Variants in HCFC2 observed in about 807,000 individuals in gnomAD.
HCFC2 encodes the protein host cell factor 2.
Under a neutral mutation model 89.2 loss-of-function variants are expected in HCFC2, and 18 were observed. That is an observed-to-expected ratio of 0.20 (90% confidence interval 0.14 to 0.30). HCFC2 has a LOEUF of 0.30. Ranked by LOEUF, HCFC2 falls within the 10% of genes least tolerant of loss-of-function variation. HCFC2 has a pLI of 1.00. For missense variants in HCFC2, 578 were observed against 956.1 expected (o/e 0.60, Z 5.21); for synonymous variants, 308 against 335.7 (o/e 0.92, Z 0.90).
chr12:104,089,460 G>C (rs900334880), intron 9 of HCFC2, among the ~76,000 whole-genome samples: 1 of 152,182 alleles, frequency 6.6e-6, no homozygotes, highest in Non-Finnish European at 1.5e-5. Context: ...AGCTTGTAGT[G>C]AGCCGAGATT....
intron 9 of HCFC2, chr12:104,090,876 T>C (rs1884004337): frequency 6.6e-6 from 1 of 152,220 alleles, no homozygotes; most frequent in South Asian, 2.1e-4. Context: ...GGAAGGCCTA[T>C]GCATGTGGGT....
At chr12:104,084,038 A>C (rs1407731987) in intron 7 of HCFC2, among the ~76,000 whole-genome samples, 2 of 152,176 alleles carry the variant, frequency 1.3e-5, no homozygotes, top group Non-Finnish European at 2.9e-5. Context: ...GAAAGGGGGA[A>C]AATAATTATT....
intron 1 of HCFC2, among the ~76,000 whole-genome samples, chr12:104,065,852 G>T (rs1416108250): frequency 6.6e-6 from 1 of 152,170 alleles, no homozygotes. Flanking sequence ...AAATGATACA[G>T]ATCAGGGTTT....
rs759685259 is a variant in HCFC2 at position 104,103,040 on chromosome 12, A to C, written c.2146A>C (p.Ile716Leu). ...TTTGGAATATTCAGCCTACTTGGCTATCCGCACAGCACAGATACAAGATAA... is the reference window on the plus strand; with the variant it reads ...TTTGGAATATTCAGCCTACTTGGCTCTCCGCACAGCACAGATACAAGATAA... The part of the protein sequence containing the change: ...NILEYSAYLA[I>L]RTAQIQDNPS... Residue 716 changes from isoleucine to leucine, a missense_variant, in exon 15 of 15, where the codon ATC (isoleucine) becomes CTC (leucine). Coordinates refer to ENST00000229330, the MANE Select transcript of HCFC2 (RefSeq NM_013320.3). The C allele has an allele frequency of 6.2e-7, 1 of 1,613,926 alleles. No homozygotes were observed. Among genetic ancestry groups the C allele is most frequent in the Non-Finnish European group, 8.5e-7 (1 of 1,179,928 alleles).
chr12:104,103,567 T>C lies in HCFC2; in HGVS notation c.*294T>C, dbSNP rs919712651. Reference sequence around the variant, plus strand: ...AGCTTTATTACCCCAATATCTTTTATAAGGGCTGTGTAACCCAGTCATCCT... The same window carrying C: ...AGCTTTATTACCCCAATATCTTTTACAAGGGCTGTGTAACCCAGTCATCCT... On this transcript the variant is annotated 3_prime_UTR_variant, in exon 15 of 15. Coordinates refer to ENST00000229330, the MANE Select transcript of HCFC2 (RefSeq NM_013320.3). The C allele has an allele frequency of 2.0e-4, 63 of 320,222 alleles. No individual in the cohort carries two copies. The highest frequency in any genetic ancestry group is 1.4e-3 in the African/African-American group (63 of 46,612). The allele number at this position is 320,222 out of a possible 1,614,324, so 19.8% of individuals were successfully genotyped here.
In HCFC2 at chr12:104,087,980, C is replaced by T; in HGVS notation, c.1232-6C>T. 1 of 1,594,254 alleles carries T rather than the reference C, an allele frequency of 6.3e-7. No individual in the cohort carries two copies. Among genetic ancestry groups the T allele is most frequent in the Non-Finnish European group, 8.6e-7 (1 of 1,166,470 alleles). On this transcript the variant is annotated splice_region_variant and splice_polypyrimidine_tract_variant and intron_variant, in intron 8 of 14. Coordinates refer to ENST00000229330, the MANE Select transcript of HCFC2 (RefSeq NM_013320.3). Reference sequence around the variant, plus strand: ...ATATCAGTCTGAACCTTTCTCATTCCTTCAGGAGTCAGGATGGACCCTCAC... The same window carrying T: ...ATATCAGTCTGAACCTTTCTCATTCTTTCAGGAGTCAGGATGGACCCTCAC...
chr12:104,065,457 A>G (rs1242818950), intron 1 of HCFC2, among the ~76,000 whole-genome samples: 1 of 152,230 alleles, frequency 6.6e-6, no homozygotes, highest in African/African-American at 2.4e-5. Context: ...CCCCTTGTAA[A>G]TGCTCAGGCT....
intron 9 of HCFC2, among the ~76,000 whole-genome samples, chr12:104,091,583 T>C (rs150110913): frequency 7.2e-5 from 11 of 152,390 alleles, no homozygotes; most frequent in Middle Eastern, 3.4e-3. Context: ...CAAATGTGTT[T>C]AATCTATCGT....
At chr12:104,093,039 A>T (rs1164922296) in intron 9 of HCFC2, among the ~76,000 whole-genome samples, 1 of 152,148 alleles carries the variant, frequency 6.6e-6, no homozygotes, top group Non-Finnish European at 1.5e-5. Context: ...CCCTTTAAGA[A>T]AATTTGACCA....
rs187458258 is a variant in HCFC2, at chr12:104,064,919, C to T, written c.163+196C>T. The T allele has an allele frequency of 5.3e-4, 232 of 440,468 alleles. No individual in the cohort carries two copies. The highest frequency in any genetic ancestry group is 7.2e-4 in the Admixed American group (16 of 22,146). 27.3% of individuals were successfully genotyped at this position (440,468 alleles called of 1,614,324 possible). Reference sequence around the variant, plus strand: ...GGACCGCAGCTCAGGATCTCCGGGGCCCTTGGGGCGCAACGGACCCCGAGC... The same window carrying T: ...GGACCGCAGCTCAGGATCTCCGGGGTCCTTGGGGCGCAACGGACCCCGAGC... On this transcript the variant is annotated intron_variant, in intron 1 of 14. Transcript: ENST00000229330. This position sits in a 1 kb window ranked among gnomAD's most constrained non-coding sequence, Gnocchi z 7.3.
chr12:104,082,415 A>G, intron 5 of HCFC2, 85 bp from the exon 6 acceptor site: 2 of 812,574 alleles, frequency 2.5e-6, no homozygotes, highest in Non-Finnish European at 4.2e-6. Context: ...GTCAACTGAT[A>G]GGAAATTTTT....
At chr12:104,088,186 A>C in intron 9 of HCFC2, 148 bp downstream of exon 9, 3 of 407,814 alleles carry the variant, frequency 7.4e-6, no homozygotes, top group Admixed American at 4.5e-5. Flanking sequence ...CAAACAAACA[A>C]ACACAGATTC....
intron 13 of HCFC2, among the ~76,000 whole-genome samples, chr12:104,100,197 CAT>C (rs1308554282): frequency 6.6e-6 from 1 of 151,956 alleles, no homozygotes; most frequent in Non-Finnish European, 1.5e-5. Context: ...ACCTCATATA[CAT>C]ATATGAGATA....
At chr12:104,089,201 G>T (rs977350838) in intron 9 of HCFC2, among the ~76,000 whole-genome samples, 2 of 152,126 alleles carry the variant, frequency 1.3e-5, no homozygotes, top group African/African-American at 4.8e-5. Context: ...AGATATGGAG[G>T]ACCAACTGTA....
Position 104,066,240 on chromosome 12 carries a change from T to C in HCFC2, c.237T>C (p.Cys79=). 1 of 1,612,986 alleles carries C rather than the reference T, an allele frequency of 6.2e-7. No individual in the cohort carries two copies. Among genetic ancestry groups the C allele is most frequent in the South Asian group, 1.1e-5 (1 of 90,864 alleles). The part of the protein sequence containing the change: ...PPGCAAHGFV[C]DGTRILVFGG... ...GCTGTGCTGCCCATGGATTTGTCTG[T>C]GATGGTACCAGAATATTAGTATTTG... The change falls in exon 2 of 15, where the codon TGT becomes TGC. Residue 79 remains cysteine (C), a synonymous_variant. Coordinates refer to ENST00000229330, the MANE Select transcript of HCFC2 (RefSeq NM_013320.3).
At chr12:104,082,972 T>G in intron 7 of HCFC2, 71 bp downstream of exon 7, 1 of 1,070,684 alleles carries the variant, frequency 9.3e-7, no homozygotes, top group Admixed American at 2.3e-5. Context: ...TTTTGAGACT[T>G]ACTGTAAATG....
At position 104,085,797 on chromosome 12, in the gene HCFC2, G is replaced by A. The variant is rs529063346; in HGVS notation, c.1064-1050G>A. ...CATGAGGCTTTCTATGAAAAATCAC[G>A]TTCTTTGCTCGCACCTTTCCTCATT... is the stretch of plus-strand genomic sequence containing the variant. On this transcript the variant is annotated intron_variant, in intron 7 of 14. Coordinates refer to ENST00000229330, the MANE Select transcript of HCFC2 (RefSeq NM_013320.3). 6.0e-5 allele frequency among the ~76,000 whole-genome samples: 9 copies of A among 151,090 alleles called. No individual in the cohort carries two copies. In the South Asian group the frequency reaches 1.5e-3, roughly 24 times the overall value.
Position 104,087,097 on chromosome 12 carries a change from G to A in HCFC2, c.1231+83G>A, listed in dbSNP as rs962371644. The stretch of plus-strand genomic sequence containing the variant: ...TGGCCGGGCGCGGTGGCTCACGCCT[G>A]TAATCCCAGCACTTTGGGAGGCTGA... On this transcript the variant is annotated intron_variant, in intron 8 of 14. Coordinates refer to ENST00000229330, the MANE Select transcript of HCFC2 (RefSeq NM_013320.3). 1.3e-5 allele frequency: 18 copies of A among 1,334,646 alleles called. No homozygotes were observed. In the African/African-American group the frequency reaches 2.5e-4, roughly 18 times the overall value. 82.7% of individuals were successfully genotyped at this position (1,334,646 alleles called of 1,614,324 possible). A position where few individuals can be genotyped will look rare whatever the true frequency, so the allele number is the denominator to read the frequency against.
chr12:104,064,871 C>T lies in HCFC2; in HGVS notation c.163+148C>T. 2 of 654,460 alleles carry T rather than the reference C, an allele frequency of 3.1e-6. No homozygotes were observed. The highest frequency in any genetic ancestry group is 1.9e-5 in the African/African-American group (1 of 51,548). The allele number at this position is 654,460 out of a possible 1,614,324, so 40.5% of individuals were successfully genotyped here. On this transcript the variant is annotated intron_variant, in intron 1 of 14. Coordinates refer to ENST00000229330, the MANE Select transcript of HCFC2 (RefSeq NM_013320.3). This position sits in a 1 kb window ranked among gnomAD's most constrained non-coding sequence, Gnocchi z 7.3. ...CGGGGAGCGCGGCTCAGCCGGGCAG[C>T]CCGGGTCCGGCAGCTCTGTCCCGGA...
Sources: gnomAD v4.1 joint callset for allele counts (sites outside exome capture counted in the v4.1 genomes callset) on GRCh38, gnomAD v4.1.1 for gene constraint, Gnocchi (gnomAD v3.1) non-coding constraint, MANE v1.5 for transcripts, NCBI Gene and HGNC (gene_info 2026-07-23, HGNC 2026-07-21) for gene names.